The following MYRFL variants were observed in gnomAD, a reference collection of about 807,000 sequenced individuals.
The protein encoded by MYRFL is myelin regulatory factor like, also known as myelin regulatory factor-like protein.
A neutral mutation model predicts 109.4 loss-of-function variants in MYRFL; 88 were observed. The ratio of observed to expected loss-of-function variants is 0.80; its 90% CI spans 0.68 to 0.96. MYRFL has a LOEUF of 0.96. Ranked by LOEUF, MYRFL falls within the 40% of genes least tolerant of loss-of-function variation. MYRFL has a pLI of 0.00. For missense variants in MYRFL, 957 were observed against 954.9 expected (o/e 1.00, Z -0.03); for synonymous variants, 324 against 320.9 (o/e 1.01, Z -0.10).
chr12:69,880,382 A>G, intron 5 of MYRFL, 90 bp downstream of exon 5: 1 of 624,540 alleles, frequency 1.6e-6, no homozygotes, highest in Non-Finnish European at 2.9e-6. Context: ...GCAGCCCTGC[A>G]AAAGTTTCCC....
rs77706896 is a variant in MYRFL, at chr12:69,841,208, A to G, written c.47-14072A>G. 7.2e-3 allele frequency among the ~76,000 whole-genome samples: 1,090 copies of G among 152,262 alleles called. 28 individuals carry two copies. The highest frequency in any genetic ancestry group is 0.065 in the East Asian group (335 of 5,176). On this transcript the variant is annotated intron_variant, in intron 1 of 24. Transcript: ENST00000552032. ...AGAGTACAGAAGAGTACATGGCCCC[A>G]TGCAGATAAACTCATGCTCCTTCCC... is the stretch of plus-strand genomic sequence containing the variant.
chr12:69,897,288 C>T (rs1954027335), intron 10 of MYRFL, 42 bp downstream of exon 10: 2 of 1,396,920 alleles, frequency 1.4e-6, no homozygotes, highest in Non-Finnish European at 2.0e-6. Context: ...CACATGCTTT[C>T]CTCCTATGTA....
chr12:69,877,038 T>TCTTTCTTTCTTTCTTTATTTCTTTC (rs1405764440), intron 2 of MYRFL, among the ~76,000 whole-genome samples: 1 of 145,448 alleles, frequency 6.9e-6, no homozygotes. Context: ...TTTTTTTTTT[T>TCTTTCTTTCTTTCTTTATTTCTTTC]TTTGAGACGG....
intron 10 of MYRFL, among the ~76,000 whole-genome samples, chr12:69,899,396 C>A (rs1214116085): frequency 1.3e-5 from 2 of 151,788 alleles, no homozygotes; most frequent in African/African-American, 2.4e-5. Context: ...TCTAGAGGGG[C>A]CTATACAGGT....
chr12:69,922,985 G>A (rs1954959242), intron 13 of MYRFL, among the ~76,000 whole-genome samples: 1 of 152,034 alleles, frequency 6.6e-6, no homozygotes, highest in African/African-American at 2.4e-5. Context: ...GGACAGGCAG[G>A]ACAAAGTTTT....
At chr12:69,885,755 A>AT (rs879905638) in intron 5 of MYRFL, among the ~76,000 whole-genome samples, 4 of 152,200 alleles carry the variant, frequency 2.6e-5, no homozygotes, top group Admixed American at 6.5e-5. Context: ...TTATTTGACC[A>AT]TTTTTGACAT....
chr12:69,952,645 C>T (rs1956007824), intron 20 of MYRFL, among the ~76,000 whole-genome samples, 154 bp from the exon 21 acceptor site: 1 of 152,094 alleles, frequency 6.6e-6, no homozygotes, highest in Non-Finnish European at 1.5e-5. Flanking sequence ...CCTTCCTTTT[C>T]CTCCTGTTTG....
chr12:69,939,302 T>A (rs1292420081), intron 19 of MYRFL, among the ~76,000 whole-genome samples: 3 of 152,078 alleles, frequency 2.0e-5, no homozygotes, highest in Non-Finnish European at 2.9e-5. Flanking sequence ...GTCTGACAGC[T>A]TTGAAGAGAG....
Position 69,932,534 on chromosome 12 carries a change from C to T in MYRFL, c.1852C>T (p.Gln618Ter). The part of the protein sequence containing the change: ...NNKVYFSGKR[Q>*]ACPNWVFQTL... ...ATAGGTTTATTTTTCAGGAAAAAGA[C>T]AGGCGTGTCCTAATTGGGTTTTCCA... Residue 618 changes from glutamine to a stop codon, truncating the protein, a stop_gained, in exon 16 of 25, where the codon CAG becomes TAG. Transcript: ENST00000552032. LOFTEE classifies it high-confidence loss of function. The T allele has an allele frequency of 6.5e-7, 1 of 1,535,910 alleles. No homozygotes were observed. The highest frequency in any genetic ancestry group is 8.7e-7 in the Non-Finnish European group (1 of 1,146,724).
chr12:69,907,287 A>T (rs1162777822), intron 11 of MYRFL, among the ~76,000 whole-genome samples: 1 of 152,228 alleles, frequency 6.6e-6, no homozygotes, highest in Non-Finnish European at 1.5e-5. Context: ...ATCTGTCTAG[A>T]GGATGATAGT....
chr12:69,892,154 T>C (rs1404536548), intron 7 of MYRFL, among the ~76,000 whole-genome samples: 3 of 152,104 alleles, frequency 2.0e-5, no homozygotes, highest in African/African-American at 7.2e-5. Context: ...TTCATCAAAT[T>C]ATCAAAGAGA....
chr12:69,827,739 AG>A (rs1388047458), intron 1 of MYRFL, among the ~76,000 whole-genome samples: 2 of 152,136 alleles, frequency 1.3e-5, no homozygotes, highest in African/African-American at 4.8e-5. Flanking sequence ...AATGATGACA[AG>A]GAAAAATGTT....
chr12:69,866,396 G>A (rs1885018991), intron 2 of MYRFL, among the ~76,000 whole-genome samples: 1 of 152,098 alleles, frequency 6.6e-6, no homozygotes, highest in Non-Finnish European at 1.5e-5. Context: ...CACTGGGCTA[G>A]TTCAATGATC....
chr12:69,941,906 C>A (rs1488978231), intron 19 of MYRFL, among the ~76,000 whole-genome samples: 1 of 149,658 alleles, frequency 6.7e-6, no homozygotes, highest in Non-Finnish European at 1.5e-5. Context: ...ACTACAAACA[C>A]CTCTACGCAA....
chr12:69,867,134 C>G (rs1001077362), intron 2 of MYRFL, among the ~76,000 whole-genome samples: 2 of 152,184 alleles, frequency 1.3e-5, no homozygotes, highest in African/African-American at 4.8e-5. Context: ...GGTTAGTTGT[C>G]TGCTTAGGAG....
chr12:69,958,946 G>A lies in MYRFL; in HGVS notation c.*415G>A, dbSNP rs1956154634. 1 of 180,044 alleles carries A rather than the reference G, an allele frequency of 5.6e-6. No homozygotes were observed. The highest frequency in any genetic ancestry group is 1.2e-5 in the Non-Finnish European group (1 of 86,400). The allele number at this position is 180,044 out of a possible 1,614,324, so 11.2% of individuals were successfully genotyped here. A position where few individuals can be genotyped will look rare whatever the true frequency, so the allele number is the denominator to read the frequency against. On this transcript the variant is annotated 3_prime_UTR_variant, in exon 25 of 25. Transcript: ENST00000552032. ...CCACTAAACATAGACTCTTGAGAAT[G>A]TGTGATATGGTATGTGGAGGAGATG...
chr12:69,922,922 T>C (rs2120432872), intron 13 of MYRFL, among the ~76,000 whole-genome samples: 1 of 152,314 alleles, frequency 6.6e-6, no homozygotes, highest in Admixed American at 6.5e-5. Context: ...TCTCTGGAAT[T>C]TATTATCTGG....
Position 69,936,568 on chromosome 12 carries a change from A to G in MYRFL, c.2160A>G (p.Glu720=). 1 of 1,536,230 alleles carries G rather than the reference A, an allele frequency of 6.5e-7. No individual in the cohort carries two copies. Among genetic ancestry groups the G allele is most frequent in the Non-Finnish European group, 8.7e-7 (1 of 1,146,934 alleles). Residue 720 remains glutamate (E), a synonymous_variant, in exon 19 of 25, where the codon GAA becomes GAG. Coordinates refer to ENST00000552032, the MANE Select transcript of MYRFL (RefSeq NM_182530.3). ...GCTGCCCCATCCGGGGAATGAAAGA[A>G]GTCTCTTCAAGTCCTGTGCAAAGAC... ...TYCCPIRGMK[E]VSSSPVQRQS... is the part of the protein sequence containing the mutation.
rs543632642 is a variant in MYRFL at position 69,936,121 on chromosome 12, C to G, written c.1925C>G (p.Thr642Arg). Reference sequence around the variant, plus strand: ...TTTTTTTTTTTTGACAGTGCTTTGACGATAGTTGCCCTCTATATACTTAGC... The same window carrying G: ...TTTTTTTTTTTTGACAGTGCTTTGAGGATAGTTGCCCTCTATATACTTAGC... Reference protein sequence around the residue: ...LIAVMAFCALTIVALYILSLK... With the variant: ...LIAVMAFCALRIVALYILSLK... Residue 642 changes from threonine (T) to arginine (R), a missense_variant, in exon 17 of 25, where the codon ACG (threonine) becomes AGG (arginine). By Grantham distance (71) the Thr-to-Arg change is moderately conservative. Transcript: ENST00000552032. 24 of 398,622 alleles carry G rather than the reference C, an allele frequency of 6.0e-5. No homozygotes were observed. The highest frequency in any genetic ancestry group is 9.4e-5 in the Non-Finnish European group (22 of 234,958). The allele number at this position is 398,622 out of a possible 1,614,324, so 24.7% of individuals were successfully genotyped here.
Sources: gnomAD v4.1 joint callset for allele counts (sites outside exome capture counted in the v4.1 genomes callset) on GRCh38, gnomAD v4.1.1 for gene constraint, MANE v1.5 for transcripts, NCBI Gene and HGNC (gene_info 2026-07-23, HGNC 2026-07-21) for gene names.